Variants in KLHL3 observed in about 807,000 individuals in gnomAD.
KLHL3 encodes the protein kelch like family member 3.
In KLHL3, 19 loss-of-function variants were observed where a neutral mutation model predicts 70.5. The ratio of observed to expected loss-of-function variants is 0.27; its 90% CI spans 0.19 to 0.40. The LOEUF is 0.40. Ranked by LOEUF, KLHL3 falls within the 10% of genes least tolerant of loss-of-function variation. The probability of loss-of-function intolerance (pLI) is 1.00; values close to 1 mark genes in which losing one functional copy is unlikely to be tolerated. For synonymous variants in KLHL3, 258 were observed against 290.3 expected (o/e 0.89, Z 1.13); for missense variants, 512 against 771.1 (o/e 0.66, Z 3.98).
chr5:137,709,480 A>G (rs1752751639), intron 3 of KLHL3, among the ~76,000 whole-genome samples: 1 of 152,200 alleles, frequency 6.6e-6, no homozygotes, highest in African/African-American at 2.4e-5. Flanking sequence ...CCCCCACATG[A>G]TTATGGTGCA....
intron 1 of KLHL3, among the ~76,000 whole-genome samples, chr5:137,734,158 C>T (rs1040325181): frequency 1.3e-5 from 2 of 152,214 alleles, no homozygotes; most frequent in African/African-American, 2.4e-5. Flanking sequence ...ACCCCAGTTA[C>T]ACCACAGGTC....
chr5:137,666,855 T>C (rs1471581998), intron 6 of KLHL3, among the ~76,000 whole-genome samples: 2 of 152,180 alleles, frequency 1.3e-5, no homozygotes, highest in Admixed American at 1.3e-4. Flanking sequence ...ACCAAGGGAC[T>C]CTCCATAAAC....
chr5:137,704,006 C>T (rs773916826), intron 3 of KLHL3, among the ~76,000 whole-genome samples: 9 of 152,134 alleles, frequency 5.9e-5, no homozygotes, highest in Non-Finnish European at 1.0e-4. Flanking sequence ...GCCTTATACC[C>T]GTTACCTATA....
At chr5:137,705,901 A>G (rs934885486) in intron 3 of KLHL3, 8 of 510,362 alleles carry the variant, frequency 1.6e-5, no homozygotes, top group Non-Finnish European at 2.0e-5. Flanking sequence ...TTTCATCTTT[A>G]TAGGAAAAAG....
chr5:137,693,706 T>C (rs1752378219), intron 4 of KLHL3, among the ~76,000 whole-genome samples: 2 of 152,166 alleles, frequency 1.3e-5, no homozygotes, highest in Non-Finnish European at 2.9e-5. Flanking sequence ...AATAATCCCC[T>C]TGCCCCAGGC....
At chr5:137,702,375 G>A (rs141265136) in intron 3 of KLHL3, among the ~76,000 whole-genome samples, 1 of 152,176 alleles carries the variant, frequency 6.6e-6, no homozygotes, top group Non-Finnish European at 1.5e-5. Flanking sequence ...GAGAATGAGG[G>A]AAGAGTATCC....
chr5:137,633,228 G>A (rs1049568901), intron 12 of KLHL3, among the ~76,000 whole-genome samples: 9 of 132,386 alleles, frequency 6.8e-5, no homozygotes, highest in South Asian at 5.1e-4. Flanking sequence ...GCAGTGAGCC[G>A]AGATAGCGCC....
At position 137,621,821 on chromosome 5, in the gene KLHL3, C is replaced by T. The variant is rs1296486483; in HGVS notation, c.*277G>A. ...ACACACACTCCAGGGTCTGTATTGT[C>T]CCTGTAGAAACACCAAAACAAAGCC... On this transcript the variant is annotated 3_prime_UTR_variant, in exon 15 of 15. Coordinates refer to ENST00000309755, the MANE Select transcript of KLHL3 (RefSeq NM_017415.3). 2 of 542,084 alleles carry T rather than the reference C, an allele frequency of 3.7e-6. No homozygotes were observed. The highest frequency in any genetic ancestry group is 3.0e-5 in the East Asian group (1 of 33,286). 33.6% of individuals were successfully genotyped at this position (542,084 alleles called of 1,614,324 possible).
chr5:137,663,764 A>C (rs894965290), intron 6 of KLHL3, among the ~76,000 whole-genome samples: 1 of 152,178 alleles, frequency 6.6e-6, no homozygotes, highest in Non-Finnish European at 1.5e-5. Context: ...AAAAAGAATA[A>C]AGCAAACATC....
intron 5 of KLHL3, among the ~76,000 whole-genome samples, chr5:137,689,711 C>T (rs1752270144): frequency 6.6e-6 from 1 of 152,222 alleles, no homozygotes; most frequent in East Asian, 1.9e-4. Context: ...CTATTGGGTA[C>T]TATGTTCACC....
intron 2 of KLHL3, among the ~76,000 whole-genome samples, chr5:137,711,342 G>C (rs1752788877): frequency 6.6e-6 from 1 of 152,240 alleles, no homozygotes. Context: ...GAGGTGAAAA[G>C]ATGCCCAAAG....
intron 3 of KLHL3, chr5:137,705,971 G>A (rs1752677258): frequency 1.0e-6 from 1 of 978,838 alleles, no homozygotes; most frequent in Non-Finnish European, 1.2e-6. Flanking sequence ...GCAGTAAAGG[G>A]CAAATAGGTT....
intron 8 of KLHL3, among the ~76,000 whole-genome samples, chr5:137,649,579 C>A (rs1416124347): frequency 1.3e-5 from 2 of 152,192 alleles, no homozygotes; most frequent in East Asian, 3.9e-4. Flanking sequence ...AGGATTCCTG[C>A]CCACAGAAAC....
intron 6 of KLHL3, among the ~76,000 whole-genome samples, chr5:137,665,096 T>C (rs1417382224): frequency 6.6e-6 from 1 of 152,126 alleles, no homozygotes; most frequent in African/African-American, 2.4e-5. Context: ...GAGGAAACGA[T>C]CAGACAACTC....
At chr5:137,720,229 G>A (rs1308182543) in intron 2 of KLHL3, among the ~76,000 whole-genome samples, 1 of 152,104 alleles carries the variant, frequency 6.6e-6, no homozygotes, top group African/African-American at 2.4e-5. Flanking sequence ...GAACCCGGGA[G>A]GTGGAGGTTG....
chr5:137,707,776 A>G lies in KLHL3; in HGVS notation c.241+1974T>C, dbSNP rs1242346871. Among the ~76,000 whole-genome samples, 3 of 152,166 alleles carry G rather than the reference A, an allele frequency of 2.0e-5. No homozygotes were observed. In the East Asian group the frequency reaches 5.8e-4, roughly 29 times the overall value. The stretch of plus-strand genomic sequence containing the variant: ...CATTCCTAGAATCTAAGAATGCCCC[A>G]GAAGCACTTTTTCTTCCAATTTGTA... On this transcript the variant is annotated intron_variant, in intron 3 of 14. Coordinates refer to ENST00000309755, the MANE Select transcript of KLHL3 (RefSeq NM_017415.3).
chr5:137,674,538 T>C (rs1373368931), intron 6 of KLHL3, among the ~76,000 whole-genome samples: 1 of 152,236 alleles, frequency 6.6e-6, no homozygotes, highest in Non-Finnish European at 1.5e-5. Flanking sequence ...TTTTACATGT[T>C]AATGTCTGAA....
rs1750444687 is a variant in KLHL3, at chr5:137,625,778, G to A, written c.1710C>T (p.Asn570=). ...VTDKWTLLPT[N]MSTGRSYAGV... ...CTGCATAGCTCCGCCCCGTGCTCAT[G>A]TTCGTTGGAAGCAGCGTCCATTTGT... Residue 570 remains asparagine, a synonymous_variant, in exon 14 of 15, where the codon AAC becomes AAT. Transcript: ENST00000309755. The A allele has an allele frequency of 6.2e-7, 1 of 1,614,050 alleles. No individual in the cohort carries two copies. Among genetic ancestry groups the A allele is most frequent in the South Asian group, 1.1e-5 (1 of 91,088 alleles).
intron 1 of KLHL3, among the ~76,000 whole-genome samples, chr5:137,731,408 C>T (rs1268114757): frequency 2.6e-5 from 4 of 152,160 alleles, no homozygotes; most frequent in African/African-American, 9.7e-5. Context: ...AGAAAAAAGG[C>T]TAGGTTGCTC....
Sources: gnomAD v4.1 joint callset for allele counts (sites outside exome capture counted in the v4.1 genomes callset) on GRCh38, gnomAD v4.1.1 for gene constraint, MANE v1.5 for transcripts, NCBI Gene and HGNC (gene_info 2026-07-23, HGNC 2026-07-21) for gene names.